Variants in SESTD1 observed in about 807,000 individuals in gnomAD.
SESTD1 encodes SEC14 domain and spectrin repeat-containing protein 1.
A neutral mutation model predicts 101.7 loss-of-function variants in SESTD1; 43 were observed. The observed-to-expected ratio is 0.42, with a 90% confidence interval of 0.33 to 0.55. The LOEUF (loss-of-function observed/expected upper bound fraction) is 0.55. Among genes scored for constraint, SESTD1 ranks in the 20% least tolerant of loss-of-function variants. SESTD1 has a pLI of 0.07. For synonymous variants in SESTD1, 283 were observed against 286.8 expected (o/e 0.99, Z 0.13); for missense variants, 647 against 815.1 (o/e 0.79, Z 2.51).
At chr2:179,114,449 C>CTTGGGTAGA (rs1202493029) in intron 16 of SESTD1, among the ~76,000 whole-genome samples, 2 of 152,080 alleles carry the variant, frequency 1.3e-5, no homozygotes, top group African/African-American at 2.4e-5. Flanking sequence ...ATATGTAAGG[C>CTTGGGTAGA]TTGGGTAGAA....
intron 10 of SESTD1, among the ~76,000 whole-genome samples, chr2:179,128,963 T>A (rs565317012): frequency 6.6e-6 from 1 of 152,128 alleles, no homozygotes; most frequent in Non-Finnish European, 1.5e-5. Flanking sequence ...GCAGTCAGGA[T>A]TGACAATGCA....
intron 1 of SESTD1, among the ~76,000 whole-genome samples, chr2:179,220,495 G>T (rs954121188): frequency 6.6e-6 from 1 of 152,116 alleles, no homozygotes; most frequent in African/African-American, 2.4e-5. Context: ...CCTATGGCTA[G>T]GACCTCATTA....
At chr2:179,172,294 T>C in intron 4 of SESTD1, 61 bp from the exon 5 acceptor site, 1 of 1,131,358 alleles carries the variant, frequency 8.8e-7, no homozygotes, top group Non-Finnish European at 1.3e-6. Context: ...TTACTAAATT[T>C]ATAAATTACC....
At chr2:179,210,309 GA>G (rs1286743791) in intron 1 of SESTD1, among the ~76,000 whole-genome samples, 2 of 133,950 alleles carry the variant, frequency 1.5e-5, no homozygotes, top group Non-Finnish European at 3.2e-5. Flanking sequence ...GATAAACAGG[GA>G]ATCCTCCCTA....
At chr2:179,114,929 AAAC>A (rs2044594476) in intron 16 of SESTD1, 133 bp downstream of exon 16, 1 of 778,480 alleles carries the variant, frequency 1.3e-6, no homozygotes, top group African/African-American at 1.8e-5. Context: ...TATTATATCT[AAAC>A]AAACCGTAAC....
At position 179,143,592 on chromosome 2, in the gene SESTD1, C is replaced by T; in HGVS notation, c.849G>A (p.Gln283=). 2 of 1,613,250 alleles carry T rather than the reference C, an allele frequency of 1.2e-6. No individual in the cohort carries two copies. The highest frequency in any genetic ancestry group is 1.7e-6 in the Non-Finnish European group (2 of 1,179,414). ...QLEEIQQKVM[Q]VVNWLEGPGS... ...AAATATATTCAAATCAGACACCTAC[C>T]TGCATTACCTTCTGTTGAATCTCTT... Residue 283 remains glutamine, a splice_region_variant and synonymous_variant, in exon 9 of 18, where the codon CAG becomes CAA. Transcript: ENST00000428443.
intron 1 of SESTD1, among the ~76,000 whole-genome samples, chr2:179,226,787 G>A (rs1238993889): frequency 6.6e-6 from 1 of 152,198 alleles, no homozygotes; most frequent in Admixed American, 6.5e-5. Context: ...TGTTGGCTAT[G>A]TCATTTGAAT....
At chr2:179,234,441 G>A (rs1041985530) in intron 1 of SESTD1, among the ~76,000 whole-genome samples, 5 of 152,136 alleles carry the variant, frequency 3.3e-5, no homozygotes, top group Non-Finnish European at 5.9e-5. Context: ...GGCTGGATAA[G>A]GTAAGTACAA....
At chr2:179,211,203 T>C (rs1208758953) in intron 1 of SESTD1, among the ~76,000 whole-genome samples, 3 of 133,556 alleles carry the variant, frequency 2.2e-5, no homozygotes, top group Admixed American at 2.2e-4. Flanking sequence ...CACGGATGGA[T>C]AGAATCAATA....
intron 7 of SESTD1, among the ~76,000 whole-genome samples, chr2:179,148,888 G>A (rs1200861510): frequency 2.6e-5 from 4 of 151,686 alleles, no homozygotes; most frequent in African/African-American, 7.3e-5. Flanking sequence ...GTGAAACGCC[G>A]TCTTTATTAA....
chr2:179,115,782 G>GA (rs1335761556), intron 15 of SESTD1, among the ~76,000 whole-genome samples: 2 of 151,604 alleles, frequency 1.3e-5, no homozygotes, highest in Admixed American at 1.3e-4. Flanking sequence ...TTTTTAATTA[G>GA]AAAAAAGTCT....
intron 17 of SESTD1, among the ~76,000 whole-genome samples, chr2:179,110,834 C>T (rs771193601): frequency 2.6e-5 from 4 of 152,036 alleles, no homozygotes; most frequent in Non-Finnish European, 5.9e-5. Flanking sequence ...AGCAAAATAC[C>T]TAAAAGAGAT....
intron 3 of SESTD1, among the ~76,000 whole-genome samples, chr2:179,179,199 T>A (rs2046065314): frequency 6.6e-6 from 1 of 152,212 alleles, no homozygotes; most frequent in Non-Finnish European, 1.5e-5. Context: ...TAGAAGCATG[T>A]TATACCCTTT....
At chr2:179,198,197 T>A (rs1254617693) in intron 1 of SESTD1, among the ~76,000 whole-genome samples, 3 of 151,898 alleles carry the variant, frequency 2.0e-5, no homozygotes, top group Non-Finnish European at 2.9e-5. Context: ...CCAACAAAGA[T>A]CAAAAGAGAC....
chr2:179,115,837 G>C (rs938696916), intron 15 of SESTD1, among the ~76,000 whole-genome samples: 1 of 152,060 alleles, frequency 6.6e-6, no homozygotes, highest in African/African-American at 2.4e-5. Context: ...CCCCATCGCA[G>C]TCTGCTTAAA....
At position 179,233,037 on chromosome 2, in the gene SESTD1, C is replaced by A. The variant is rs1046076031; in HGVS notation, c.-26+31462G>T. ...AATATACTCAAAGAAATATGGAGATCCACAAAGATGAGAAAGCAAAAAAAT... is the reference window on the plus strand; with the variant it reads ...AATATACTCAAAGAAATATGGAGATACACAAAGATGAGAAAGCAAAAAAAT... On this transcript the variant is annotated intron_variant, in intron 1 of 17. Coordinates refer to ENST00000428443, the MANE Select transcript of SESTD1 (RefSeq NM_178123.5). 2.6e-5 allele frequency among the ~76,000 whole-genome samples: 4 copies of A among 152,054 alleles called. No individual in the cohort carries two copies. In the East Asian group the frequency reaches 7.7e-4, roughly 29 times the overall value.
At position 179,105,453 on chromosome 2, in the gene SESTD1, G is replaced by A. The variant is rs1311684944; in HGVS notation, c.*4446C>T. 2 of 151,838 alleles carry A rather than the reference G, an allele frequency of 1.3e-5. No homozygotes were observed. The highest frequency in any genetic ancestry group is 2.9e-5 in the Non-Finnish European group (2 of 67,962). 9.4% of individuals were successfully genotyped at this position (151,838 alleles called of 1,614,324 possible). On this transcript the variant is annotated 3_prime_UTR_variant, in exon 18 of 18. Coordinates refer to ENST00000428443, the MANE Select transcript of SESTD1 (RefSeq NM_178123.5). The stretch of plus-strand genomic sequence containing the variant: ...TTATTTACTGATGAGCTTACCAACT[G>A]GACCTTTTGTATCTTCAGTGTGTAA...
At chr2:179,123,628 G>T in intron 12 of SESTD1, 87 bp downstream of exon 12, 7 of 812,744 alleles carry the variant, frequency 8.6e-6, no homozygotes, top group South Asian at 1.8e-5. Context: ...AATTAGTTCA[G>T]TGTAAGTTGA....
chr2:179,261,740 T>C lies in SESTD1; in HGVS notation c.-26+2759A>G, dbSNP rs139361360. Among the ~76,000 whole-genome samples the C allele has an allele frequency of 4.0e-5, 6 of 151,866 alleles. No individual in the cohort carries two copies. In the South Asian group the frequency reaches 1.2e-3, roughly 32 times the overall value. ...TAACCCTTCTAGCAATGTAGAAGGG[T>C]TACCCTAGAAAATGGAACCCTACAT... On this transcript the variant is annotated intron_variant, in intron 1 of 17. Coordinates refer to ENST00000428443, the MANE Select transcript of SESTD1 (RefSeq NM_178123.5).
Sources: gnomAD v4.1 joint callset for allele counts (sites outside exome capture counted in the v4.1 genomes callset) on GRCh38, gnomAD v4.1.1 for gene constraint, MANE v1.5 for transcripts, NCBI Gene and HGNC (gene_info 2026-07-23, HGNC 2026-07-21) for gene names.